Variants in PGPEP1L observed in about 807,000 individuals in gnomAD.
PGPEP1L encodes the protein pyroglutamyl-peptidase I like, also known as pyroglutamyl-peptidase 1-like protein.
PGPEP1L carries 7 observed loss-of-function variants against 6.0 expected under a neutral mutation model. That is an observed-to-expected ratio of 1.17 (90% CI 0.66 to 2.19). PGPEP1L has a LOEUF of 2.19. Ranked by LOEUF, PGPEP1L falls within the 30% of genes most tolerant of loss-of-function variation. The probability of loss-of-function intolerance (pLI) is 0.00; values close to 1 mark genes in which losing one functional copy is unlikely to be tolerated. For synonymous variants in PGPEP1L, 103 were observed against 83.9 expected (o/e 1.23, Z -1.24); for missense variants, 209 against 192.5 (o/e 1.09, Z -0.51).
At chr15:98,986,346 G>A (rs2017746430) in intron 2 of PGPEP1L, among the ~76,000 whole-genome samples, 1 of 152,230 alleles carries the variant, frequency 6.6e-6, no homozygotes, top group Non-Finnish European at 1.5e-5. Flanking sequence ...GAGGTGGACT[G>A]AAGATTGAGT....
intron 2 of PGPEP1L, among the ~76,000 whole-genome samples, chr15:98,986,801 G>C (rs1379994666): frequency 6.6e-6 from 1 of 152,120 alleles, no homozygotes; most frequent in East Asian, 1.9e-4. Flanking sequence ...GGGTGGAAAT[G>C]GAAGAGGAAG....
At chr15:99,006,682 G>A (rs150157719) in intron 1 of PGPEP1L, among the ~76,000 whole-genome samples, 1,907 of 152,284 alleles carry the variant, frequency 0.013, 21 homozygotes, top group Middle Eastern at 0.024. Flanking sequence ...TCAAAACGTG[G>A]TATATGCCCA....
intron 2 of PGPEP1L, among the ~76,000 whole-genome samples, chr15:98,973,164 C>T (rs2017523795): frequency 6.6e-6 from 1 of 152,106 alleles, no homozygotes; most frequent in Non-Finnish European, 1.5e-5. Context: ...GAGGATATAG[C>T]TATTATAAAT....
chr15:98,977,697 T>C (rs1196795268), intron 2 of PGPEP1L, among the ~76,000 whole-genome samples: 3 of 152,142 alleles, frequency 2.0e-5, no homozygotes, highest in Non-Finnish European at 4.4e-5. Flanking sequence ...GTCTGGTAGG[T>C]TGGTAGTGTT....
At chr15:98,989,355 G>A (rs1190905875) in intron 2 of PGPEP1L, among the ~76,000 whole-genome samples, 2 of 152,148 alleles carry the variant, frequency 1.3e-5, no homozygotes, top group Admixed American at 6.5e-5. Flanking sequence ...ATCAAAAGCT[G>A]AATCGATCAA....
intron 2 of PGPEP1L, among the ~76,000 whole-genome samples, chr15:98,994,498 T>TA (rs1399694991): frequency 1.3e-5 from 2 of 151,138 alleles, no homozygotes; most frequent in African/African-American, 2.4e-5. Flanking sequence ...TAATAAAAAA[T>TA]AAAAAAATTA....
intron 2 of PGPEP1L, among the ~76,000 whole-genome samples, chr15:98,972,150 C>T (rs889726175): frequency 1.4e-4 from 21 of 151,932 alleles, no homozygotes; most frequent in African/African-American, 4.4e-4. Context: ...GTCAGGAGTT[C>T]GACACCAGCA....
At chr15:98,995,045 T>C (rs2017868955) in intron 2 of PGPEP1L, among the ~76,000 whole-genome samples, 2 of 152,156 alleles carry the variant, frequency 1.3e-5, no homozygotes, top group African/African-American at 2.4e-5. Context: ...TGTCCTTGCT[T>C]GGTCTATTTT....
intron 2 of PGPEP1L, among the ~76,000 whole-genome samples, chr15:98,994,578 C>T (rs896538417): frequency 3.9e-5 from 6 of 152,024 alleles, no homozygotes; most frequent in Non-Finnish European, 1.5e-5. Flanking sequence ...TGGAGTGAGA[C>T]CCTGTATCAA....
chr15:98,982,910 C>T (rs2017688727), intron 2 of PGPEP1L, among the ~76,000 whole-genome samples: 1 of 151,616 alleles, frequency 6.6e-6, no homozygotes, highest in African/African-American at 2.4e-5. Flanking sequence ...AGGGTCTCAC[C>T]CTGTTGGCCA....
Position 98,979,633 on chromosome 15 carries a change from C to CTTTT in PGPEP1L, c.-141-8479_-141-8476dup, listed in dbSNP as rs568793204. 1.1e-3 allele frequency among the ~76,000 whole-genome samples: 52 copies of CTTTT among 46,490 alleles called. 5 individuals are homozygous for CTTTT. The highest frequency in any genetic ancestry group is 2.8e-3 in the African/African-American group (46 of 16,684). 30.5% of individuals were successfully genotyped at this position (46,490 alleles called of 152,430 possible). The stretch of plus-strand genomic sequence containing the variant: ...AACCTGGATGGGATTGGAGACTATT[C>CTTTT]TTTTTTTTTTTTTTTTTTTTTTTTT... On this transcript the variant is annotated intron_variant, in intron 2 of 4. Coordinates refer to ENST00000535714, the MANE Select transcript of PGPEP1L (RefSeq NM_001167902.2).
intron 2 of PGPEP1L, among the ~76,000 whole-genome samples, chr15:99,003,443 A>G (rs1266408946): frequency 2.6e-5 from 4 of 151,154 alleles, no homozygotes; most frequent in Middle Eastern, 3.4e-3. Context: ...GCAACTTGCA[A>G]ACGGAGCTGG....
At chr15:98,982,933 A>C (rs1596518158) in intron 2 of PGPEP1L, among the ~76,000 whole-genome samples, 1 of 150,194 alleles carries the variant, frequency 6.7e-6, no homozygotes, top group Non-Finnish European at 1.5e-5. Context: ...CTGGTCTCAA[A>C]CTCCTGGCCT....
intron 2 of PGPEP1L, among the ~76,000 whole-genome samples, chr15:98,994,179 T>A (rs960847110): frequency 1.3e-5 from 2 of 152,012 alleles, no homozygotes; most frequent in African/African-American, 2.4e-5. Flanking sequence ...GGCAGGAGAA[T>A]AGCTTGAACC....
chr15:99,004,583 T>G (rs2151767955), intron 2 of PGPEP1L, among the ~76,000 whole-genome samples: 1 of 152,122 alleles, frequency 6.6e-6, no homozygotes, highest in Non-Finnish European at 1.5e-5. Flanking sequence ...CTGGGCGTGG[T>G]GGTGCGTACC....
chr15:98,982,246 G>A (rs1458046884), intron 2 of PGPEP1L, among the ~76,000 whole-genome samples: 1 of 152,198 alleles, frequency 6.6e-6, no homozygotes, highest in African/African-American at 2.4e-5. Flanking sequence ...CACTCGCCTC[G>A]ATCCTTGGGA....
intron 2 of PGPEP1L, among the ~76,000 whole-genome samples, chr15:98,976,576 C>T (rs2017572544): frequency 6.6e-6 from 1 of 152,116 alleles, no homozygotes; most frequent in Admixed American, 6.5e-5. Context: ...TTATGGATGG[C>T]AATTATTCCC....
intron 2 of PGPEP1L, among the ~76,000 whole-genome samples, chr15:98,979,630 A>ATTTTTTTTTTT (rs1882033817): frequency 9.4e-6 from 1 of 105,926 alleles, no homozygotes; most frequent in Non-Finnish European, 1.9e-5. Flanking sequence ...ATTGGAGACT[A>ATTTTTTTTTTT]TTCTTTTTTT....
At position 98,969,475 on chromosome 15, in the gene PGPEP1L, C is replaced by A; in HGVS notation, c.159G>T (p.Lys53Asn). 6 of 1,614,066 alleles carry A rather than the reference C, an allele frequency of 3.7e-6. No homozygotes were observed. Among genetic ancestry groups the A allele is most frequent in the Non-Finnish European group, 4.2e-6 (5 of 1,179,914 alleles). ...CGTCGACACCCTCCACAGCTACGCG[C>A]TTGCAGACTGCCTTCATGCAGACCC... ...ESGVCMKAVC[K>N]RVAVEGVDVI... The change falls in exon 4 of 5, where the codon AAG becomes AAT. Residue 53 changes from lysine (K) to asparagine (N), a missense_variant. Transcript: ENST00000535714.
Sources: allele counts gnomAD v4.1 joint callset (sites outside exome capture counted in the v4.1 genomes callset), GRCh38; gene constraint gnomAD v4.1.1; transcripts MANE v1.5; gene names NCBI Gene and HGNC (gene_info 2026-07-23, HGNC 2026-07-21).